The following FGF13 variants were observed in gnomAD, a reference collection of about 807,000 sequenced individuals.
FGF13 encodes the protein fibroblast growth factor 13.
A neutral mutation model predicts 19.5 loss-of-function variants in FGF13; 2 were observed. The ratio of observed to expected loss-of-function variants is 0.10; its 90% CI spans 0.04 to 0.32. The LOEUF (loss-of-function observed/expected upper bound fraction) is 0.32. FGF13 is among the 10% of genes least tolerant of loss of function. The pLI, the probability that FGF13 is intolerant of heterozygous loss-of-function variation, is 1.00. For synonymous variants in FGF13, 72 were observed against 76.9 expected, an observed-to-expected ratio of 0.94 and a Z score of 0.33; for missense variants, 113 against 192.7, an observed-to-expected ratio of 0.59 and a Z score of 2.45.
chrX:138,823,157 C>A (rs1269799187), intron 3 of FGF13, among the ~76,000 whole-genome samples: 2 of 111,075 alleles, frequency 1.8e-5, no homozygotes, highest in Non-Finnish European at 3.8e-5. Context: ...ACAAGAGAAG[C>A]TTTGAGAGGA....
chrX:138,974,713 T>G (rs113665769), intron 1 of FGF13, among the ~76,000 whole-genome samples: 1 of 112,690 alleles, frequency 8.9e-6, no homozygotes, highest in Admixed American at 9.4e-5. Context: ...ATCTAACAAC[T>G]AGGATTTCAG....
intron 3 of FGF13, among the ~76,000 whole-genome samples, chrX:138,686,026 G>A (rs767269047): frequency 9.1e-6 from 1 of 110,321 alleles, no homozygotes; most frequent in Non-Finnish European, 1.9e-5. Flanking sequence ...TAATAAAAAA[G>A]AAAAATTCTT....
intron 1 of FGF13, among the ~76,000 whole-genome samples, chrX:139,141,082 T>C (rs983478232): frequency 2.6e-4 from 26 of 101,050 alleles, no homozygotes; most frequent in African/African-American, 9.7e-4. Context: ...GATAGATAGA[T>C]AGATAGATAG....
intron 3 of FGF13, among the ~76,000 whole-genome samples, chrX:138,653,238 GATA>G (rs1250811432): frequency 5.4e-5 from 6 of 110,911 alleles, no homozygotes; most frequent in Non-Finnish European, 1.1e-4. Context: ...CCAAAACAAA[GATA>G]ATAATCTTTT....
At chrX:138,845,965 G>A (rs1305773812) in intron 3 of FGF13, among the ~76,000 whole-genome samples, 1 of 110,883 alleles carries the variant, frequency 9.0e-6, no homozygotes, top group African/African-American at 3.3e-5. Flanking sequence ...ACCCGATTTT[G>A]TTCACAGCCT....
At chrX:138,936,273 T>G (rs751763408) in intron 1 of FGF13, among the ~76,000 whole-genome samples, 1 of 112,055 alleles carries the variant, frequency 8.9e-6, no homozygotes, top group East Asian at 2.8e-4. Flanking sequence ...CCCTTAGTAA[T>G]CTTACTGATG....
At chrX:139,165,453 T>C (rs2084075758) in intron 1 of FGF13, among the ~76,000 whole-genome samples, 2 of 111,161 alleles carry the variant, frequency 1.8e-5, no homozygotes, top group Admixed American at 9.5e-5. Context: ...GTTAAAGAGA[T>C]TGGTAGGGCT....
chrX:139,183,547 G>C (rs1425862606), intron 1 of FGF13, among the ~76,000 whole-genome samples: 2 of 111,607 alleles, frequency 1.8e-5, no homozygotes, highest in Non-Finnish European at 3.8e-5. Context: ...GTGAGTTCAC[G>C]TGAGAAGGGC....
intron 1 of FGF13, among the ~76,000 whole-genome samples, chrX:138,947,425 C>A (rs2091787118): frequency 9.0e-6 from 1 of 111,294 alleles, no homozygotes; most frequent in African/African-American, 3.3e-5. Context: ...TCACTTTAGC[C>A]CCTCTGAATC....
intron 3 of FGF13, among the ~76,000 whole-genome samples, chrX:138,660,475 T>C (rs2089480283): frequency 8.9e-6 from 1 of 112,008 alleles, no homozygotes; most frequent in African/African-American, 3.2e-5. Context: ...TTTAAAAATT[T>C]GTTTGTGGGT....
intron 3 of FGF13, among the ~76,000 whole-genome samples, chrX:138,833,441 T>C (rs1341897417): frequency 3.6e-5 from 4 of 112,053 alleles, no homozygotes; most frequent in Non-Finnish European, 7.5e-5. Flanking sequence ...TGGGAGTTCA[T>C]TCCTGATTTG....
chrX:138,845,324 A>G (rs2091174097), intron 3 of FGF13, among the ~76,000 whole-genome samples: 1 of 111,586 alleles, frequency 9.0e-6, no homozygotes, highest in Non-Finnish European at 1.9e-5. Context: ...AAGACACTCA[A>G]TAAACACCTA....
chrX:139,158,140 C>A (rs945169566), intron 1 of FGF13, among the ~76,000 whole-genome samples: 4 of 111,509 alleles, frequency 3.6e-5, no homozygotes, highest in Admixed American at 2.8e-4. Context: ...CAGGTGCCAA[C>A]ACCACCAGGG....
At chrX:138,774,950 T>G (rs2090577294) in intron 3 of FGF13, among the ~76,000 whole-genome samples, 1 of 112,304 alleles carries the variant, frequency 8.9e-6, no homozygotes, top group Non-Finnish European at 1.9e-5. Flanking sequence ...TTGTTTTTCT[T>G]ATTTTTAAAA....
intron 3 of FGF13, among the ~76,000 whole-genome samples, chrX:138,812,824 A>T (rs974084721): frequency 9.1e-6 from 1 of 110,150 alleles, no homozygotes; most frequent in African/African-American, 3.3e-5. Flanking sequence ...GTACCTATTG[A>T]CCCGTCTTCT....
intron 1 of FGF13, among the ~76,000 whole-genome samples, chrX:139,166,186 G>A (rs1345814419): frequency 2.7e-5 from 3 of 111,641 alleles, no homozygotes; most frequent in Admixed American, 9.5e-5. Context: ...TAATCCCCAC[G>A]TGTCATGTGA....
chrX:138,718,520 C>T (rs1602742926), intron 1 of FGF13, among the ~76,000 whole-genome samples: 1 of 111,860 alleles, frequency 8.9e-6, no homozygotes, highest in South Asian at 3.8e-4. Flanking sequence ...TCACAACCAG[C>T]ATTAAGGAAC....
At chrX:139,040,063 C>T (rs1175265465) in intron 1 of FGF13, among the ~76,000 whole-genome samples, 1 of 112,231 alleles carries the variant, frequency 8.9e-6, no homozygotes, top group Non-Finnish European at 1.9e-5. Context: ...CTAATGTTCA[C>T]CAACGTCTTT....
At chrX:138,634,464 T>C (rs1347932503) in intron 4 of FGF13, among the ~76,000 whole-genome samples, 2 of 113,200 alleles carry the variant, frequency 1.8e-5, no homozygotes, top group African/African-American at 6.4e-5. Flanking sequence ...AGTTAGCATG[T>C]AAGTTACTTC....
Sources: allele counts gnomAD v4.1 joint callset (sites outside exome capture counted in the v4.1 genomes callset), GRCh38; gene constraint gnomAD v4.1.1; transcripts MANE v1.5; gene names NCBI Gene and HGNC (gene_info 2026-07-23, HGNC 2026-07-21).